The following WDR72 variants were observed in gnomAD, a reference collection of about 807,000 sequenced individuals.
WDR72 encodes the protein WD repeat domain 72.
In WDR72, 120 loss-of-function variants were observed where a neutral mutation model predicts 124.2. The ratio of observed to expected loss-of-function variants is 0.97; its 90% confidence interval spans 0.83 to 1.12. WDR72 has a LOEUF of 1.12. WDR72 is among the 50% of genes most tolerant of loss of function. WDR72 has a pLI of 0.00. For missense variants in WDR72, 1,387 were observed against 1,278.8 expected, an observed-to-expected ratio of 1.08 and a Z score of -1.29; for synonymous variants, 452 against 441.7, an observed-to-expected ratio of 1.02 and a Z score of -0.29.
intron 2 of WDR72, among the ~76,000 whole-genome samples, chr15:53,730,946 TG>T (rs71797272): frequency 0.061 from 9,344 of 151,994 alleles, 983 homozygotes; most frequent in African/African-American, 0.21. Flanking sequence ...AGTTGCAATG[TG>T]GGGGGGCAAG....
chr15:53,705,303 G>T, intron 10 of WDR72, 70 bp from the exon 11 acceptor site: 1 of 1,428,626 alleles, frequency 7.0e-7, no homozygotes, highest in Non-Finnish European at 9.8e-7. Flanking sequence ...AAATATCAAG[G>T]CACCCTCCCT....
At chr15:53,752,400 A>C (rs2018796833) in intron 1 of WDR72, among the ~76,000 whole-genome samples, 1 of 152,198 alleles carries the variant, frequency 6.6e-6, no homozygotes, top group African/African-American at 2.4e-5. Flanking sequence ...TCTGACTGGT[A>C]GTCATATAAA....
At chr15:53,591,825 G>A (rs991741060) in intron 18 of WDR72, among the ~76,000 whole-genome samples, 2 of 151,628 alleles carry the variant, frequency 1.3e-5, no homozygotes, top group Non-Finnish European at 2.9e-5. Flanking sequence ...TTTAAACCAC[G>A]GTTTCTTGAG....
intron 19 of WDR72, among the ~76,000 whole-genome samples, chr15:53,518,158 T>C (rs1483441303): frequency 6.6e-6 from 1 of 152,046 alleles, no homozygotes; most frequent in Non-Finnish European, 1.5e-5. Flanking sequence ...ACTGCAGTTT[T>C]AGGGTCAAAA....
At chr15:53,562,169 T>C (rs1357317654) in intron 18 of WDR72, among the ~76,000 whole-genome samples, 1 of 151,780 alleles carries the variant, frequency 6.6e-6, no homozygotes, top group Non-Finnish European at 1.5e-5. Flanking sequence ...TAAGGTGAGA[T>C]AGTCCTTAAT....
chr15:53,704,938 T>C lies in WDR72; in HGVS notation c.1348+50A>G, dbSNP rs772095673. On this transcript the variant is annotated intron_variant, in intron 11 of 19. Transcript: ENST00000360509. ...TCTTGTTTAGTGCAGTCTGTTGAAA[T>C]TGCAGCTTTAGATAAATCAAATAAA... 4.4e-6 allele frequency: 7 copies of C among 1,604,730 alleles called. No homozygotes were observed. In the South Asian group the frequency reaches 5.6e-5, roughly 13 times the overall value.
chr15:53,578,990 C>T (rs888262736), intron 18 of WDR72, among the ~76,000 whole-genome samples: 13 of 152,036 alleles, frequency 8.6e-5, no homozygotes, highest in African/African-American at 2.4e-4. Flanking sequence ...GGGAAGAAAT[C>T]GTTGCAAGAG....
intron 14 of WDR72, among the ~76,000 whole-genome samples, chr15:53,628,628 A>C (rs2014302155): frequency 6.6e-6 from 1 of 152,208 alleles, no homozygotes; most frequent in Admixed American, 6.5e-5. Flanking sequence ...ACTTAGATAC[A>C]AAAAGAAATT....
At chr15:53,693,069 G>A (rs917838555) in intron 13 of WDR72, among the ~76,000 whole-genome samples, 17 of 152,100 alleles carry the variant, frequency 1.1e-4, no homozygotes, top group African/African-American at 2.9e-4. Flanking sequence ...AATGAAAATC[G>A]TATACTGGTT....
At chr15:53,592,169 T>C (rs1183297323) in intron 18 of WDR72, among the ~76,000 whole-genome samples, 1 of 152,030 alleles carries the variant, frequency 6.6e-6, no homozygotes, top group Non-Finnish European at 1.5e-5. Context: ...GCCCCAGACC[T>C]CACTACCACA....
At chr15:53,688,875 C>A (rs1157235806) in intron 13 of WDR72, among the ~76,000 whole-genome samples, 1 of 151,966 alleles carries the variant, frequency 6.6e-6, no homozygotes, top group African/African-American at 2.4e-5. Context: ...AGATATAGAT[C>A]AATGGAACAG....
intron 16 of WDR72, among the ~76,000 whole-genome samples, chr15:53,611,783 G>A (rs940947181): frequency 5.3e-5 from 8 of 151,782 alleles, no homozygotes; most frequent in African/African-American, 1.9e-4. Context: ...CTCCTACTGT[G>A]CAGGGTTGTT....
chr15:53,558,546 A>G (rs940596474), intron 18 of WDR72, among the ~76,000 whole-genome samples: 1 of 152,018 alleles, frequency 6.6e-6, no homozygotes. Flanking sequence ...AGTGAAGGAG[A>G]AGCAAAGATT....
intron 18 of WDR72, among the ~76,000 whole-genome samples, chr15:53,542,965 T>C (rs1433045938): frequency 6.6e-6 from 1 of 151,996 alleles, no homozygotes; most frequent in Non-Finnish European, 1.5e-5. Context: ...ATATATGCAC[T>C]CAACACAGGA....
intron 14 of WDR72, among the ~76,000 whole-genome samples, chr15:53,641,954 T>C (rs944112556): frequency 2.6e-5 from 4 of 151,940 alleles, no homozygotes; most frequent in Non-Finnish European, 4.4e-5. Flanking sequence ...GTTTCTTATA[T>C]TTTGGCATTT....
chr15:53,702,130 T>C lies in WDR72; in HGVS notation c.1569+4A>G. The C allele has an allele frequency of 6.2e-7, 1 of 1,608,774 alleles. No individual in the cohort carries two copies. Among genetic ancestry groups the C allele is most frequent in the Non-Finnish European group, 8.5e-7 (1 of 1,177,090 alleles). On this transcript the variant is annotated splice_donor_region_variant and intron_variant, in intron 12 of 19. Transcript: ENST00000360509. ...TAGATGTTATATTTTACTCTTCGTCTTACTTTAAACTTCTCTGGTGACATC... is the reference window on the plus strand; with the variant it reads ...TAGATGTTATATTTTACTCTTCGTCCTACTTTAAACTTCTCTGGTGACATC...
chr15:53,733,558 T>C (rs2018265846), intron 1 of WDR72, among the ~76,000 whole-genome samples: 1 of 152,162 alleles, frequency 6.6e-6, no homozygotes, highest in Admixed American at 6.5e-5. Flanking sequence ...TCCCTAGAAA[T>C]GTTACCTCAT....
intron 14 of WDR72, among the ~76,000 whole-genome samples, chr15:53,627,235 C>T (rs1566991710): frequency 6.6e-6 from 1 of 152,092 alleles, no homozygotes; most frequent in South Asian, 2.1e-4. Flanking sequence ...TTAAAAGATA[C>T]AAGGGTCTTC....
chr15:53,752,606 C>G lies in WDR72; in HGVS notation c.-13+7027G>C, dbSNP rs115314994. 3.1e-3 allele frequency among the ~76,000 whole-genome samples: 466 copies of G among 152,274 alleles called. 3 individuals are homozygous for G. Among genetic ancestry groups the G allele is most frequent in the African/African-American group, 0.011 (446 of 41,544 alleles). On this transcript the variant is annotated intron_variant, in intron 1 of 19. Coordinates refer to ENST00000360509, the MANE Select transcript of WDR72 (RefSeq NM_182758.4). ...CTGCTGACACTGTGATTTCAGACCT[C>G]CAGCCTCCAGAACTGTGAGACAACA...
Sources: allele counts gnomAD v4.1 joint callset (sites outside exome capture counted in the v4.1 genomes callset), GRCh38; gene constraint gnomAD v4.1.1; transcripts MANE v1.5; gene names NCBI Gene and HGNC (gene_info 2026-07-23, HGNC 2026-07-21).